The following ATP2B1 variants were observed in gnomAD, a reference collection of about 807,000 sequenced individuals.
ATP2B1 encodes ATPase plasma membrane Ca2+ transporting 1.
ATP2B1 carries 14 observed loss-of-function variants against 124.2 expected under a neutral mutation model. The ratio of observed to expected loss-of-function variants is 0.11; its 90% CI spans 0.07 to 0.18. The LOEUF (loss-of-function observed/expected upper bound fraction) is 0.18. Among genes scored for constraint, ATP2B1 ranks in the 10% least tolerant of loss-of-function variants. The pLI, the probability that ATP2B1 is intolerant of heterozygous loss-of-function variation, is 1.00. For synonymous variants in ATP2B1, 449 were observed against 492.4 expected, an observed-to-expected ratio of 0.91 and a Z score of 1.17; for missense variants, 763 against 1,466.1, an observed-to-expected ratio of 0.52 and a Z score of 7.83.
chr12:89,670,952 T>TA (rs35401970), intron 1 of ATP2B1, among the ~76,000 whole-genome samples: 112,363 of 126,908 alleles, frequency 0.89, 49,893 homozygotes, highest in East Asian at 0.96. Flanking sequence ...CCTTATACAT[T>TA]AAAAAAAAAA....
intron 1 of ATP2B1, among the ~76,000 whole-genome samples, chr12:89,659,167 C>T: frequency 1.3e-5 from 2 of 152,270 alleles, no homozygotes; most frequent in South Asian, 4.1e-4. Context: ...TATTTTGCTT[C>T]TCTTTGTTTT....
At chr12:89,677,262 G>C (rs1888729533) in intron 1 of ATP2B1, among the ~76,000 whole-genome samples, 1 of 152,088 alleles carries the variant, frequency 6.6e-6, no homozygotes, top group African/African-American at 2.4e-5. Context: ...CTCCTAGGCA[G>C]AGCCCAGCTG....
intron 3 of ATP2B1, among the ~76,000 whole-genome samples, chr12:89,640,581 G>T (rs1883352829): frequency 6.6e-6 from 1 of 152,104 alleles, no homozygotes; most frequent in Non-Finnish European, 1.5e-5. Context: ...GTGAGCCTAG[G>T]TACATCTTAT....
At chr12:89,675,042 T>C (rs1177224209) in intron 1 of ATP2B1, among the ~76,000 whole-genome samples, 4 of 152,150 alleles carry the variant, frequency 2.6e-5, no homozygotes, top group African/African-American at 7.2e-5. Flanking sequence ...TTTCAGAAAC[T>C]CGAGATATTA....
chr12:89,690,378 T>G (rs1171094411), intron 1 of ATP2B1, among the ~76,000 whole-genome samples: 1 of 151,842 alleles, frequency 6.6e-6, no homozygotes, highest in Non-Finnish European at 1.5e-5. Context: ...TATAAAAGTC[T>G]TATTAATAAA....
At chr12:89,678,506 G>A (rs1037859621) in intron 1 of ATP2B1, among the ~76,000 whole-genome samples, 1 of 152,106 alleles carries the variant, frequency 6.6e-6, no homozygotes, top group Non-Finnish European at 1.5e-5. Context: ...TACTACTGCT[G>A]CTGGGGAAAA....
intron 1 of ATP2B1, among the ~76,000 whole-genome samples, chr12:89,676,406 A>G: frequency 6.6e-6 from 1 of 152,124 alleles, no homozygotes; most frequent in African/African-American, 2.4e-5. Context: ...TCTTAAAGTC[A>G]TAATTGTCTA....
chr12:89,608,935 G>GA (rs1877480288), intron 15 of ATP2B1, among the ~76,000 whole-genome samples: 1 of 152,142 alleles, frequency 6.6e-6, no homozygotes, highest in Non-Finnish European at 1.5e-5. Context: ...TAGGGCGGGG[G>GA]ATCTTTGGAT....
intron 1 of ATP2B1, among the ~76,000 whole-genome samples, chr12:89,685,809 A>T (rs1314945327): frequency 2.6e-5 from 4 of 152,134 alleles, no homozygotes; most frequent in Non-Finnish European, 5.9e-5. Context: ...GCATTAAAAC[A>T]GGTCTTATGG....
intron 20 of ATP2B1, among the ~76,000 whole-genome samples, chr12:89,598,354 C>G (rs1486209946): frequency 6.6e-6 from 1 of 152,302 alleles, no homozygotes; most frequent in East Asian, 1.9e-4. Flanking sequence ...AGAGTTAGCA[C>G]AGAGACAAGC....
chr12:89,688,389 T>C (rs17836871), intron 1 of ATP2B1, among the ~76,000 whole-genome samples: 6,513 of 152,222 alleles, frequency 0.043, 354 homozygotes, highest in East Asian at 0.25. Flanking sequence ...TATTATAAAC[T>C]GCTGAATAGG....
chr12:89,600,499 T>C (rs1230507391), intron 19 of ATP2B1, among the ~76,000 whole-genome samples: 1 of 152,208 alleles, frequency 6.6e-6, no homozygotes, highest in Non-Finnish European at 1.5e-5. Context: ...TTATTTCATA[T>C]ATACACTGTT....
chr12:89,686,214 G>T (rs1889955523), intron 1 of ATP2B1, among the ~76,000 whole-genome samples: 1 of 151,972 alleles, frequency 6.6e-6, no homozygotes, highest in South Asian at 2.1e-4. Flanking sequence ...TTAGATGATG[G>T]ATTATTTTAT....
chr12:89,707,511 G>A (rs778401766), intron 1 of ATP2B1, among the ~76,000 whole-genome samples: 4 of 152,160 alleles, frequency 2.6e-5, no homozygotes, highest in Non-Finnish European at 5.9e-5. Context: ...ACCAACAGAA[G>A]CCATTAGATT....
At chr12:89,700,547 T>TA (rs910937589) in intron 1 of ATP2B1, among the ~76,000 whole-genome samples, 1 of 152,200 alleles carries the variant, frequency 6.6e-6, no homozygotes, top group Non-Finnish European at 1.5e-5. Context: ...TTAGAGGTAC[T>TA]AAAAAAATCT....
At chr12:89,694,075 T>C (rs1158976264) in intron 1 of ATP2B1, among the ~76,000 whole-genome samples, 3 of 152,202 alleles carry the variant, frequency 2.0e-5, no homozygotes, top group Non-Finnish European at 2.9e-5. Context: ...TAGAGGAATG[T>C]CATGGTACAA....
At chr12:89,708,282 C>CGT (rs1382662337) in intron 1 of ATP2B1, among the ~76,000 whole-genome samples, 4 of 152,112 alleles carry the variant, frequency 2.6e-5, no homozygotes, top group African/African-American at 9.7e-5. Context: ...TTCGTGAAGC[C>CGT]GAAGACCTGC....
At chr12:89,685,926 G>A (rs1889916001) in intron 1 of ATP2B1, among the ~76,000 whole-genome samples, 1 of 151,998 alleles carries the variant, frequency 6.6e-6, no homozygotes, top group Non-Finnish European at 1.5e-5. Context: ...AAGGAGAGAG[G>A]CCTCAGGAGA....
intron 20 of ATP2B1, among the ~76,000 whole-genome samples, chr12:89,598,039 C>CAAAAAAAAAAAAAAAAAAAAAAAAAA (rs10661138): frequency 1.7e-5 from 1 of 60,526 alleles, no homozygotes. Flanking sequence ...CACAACCAAG[C>CAAAAAAAAAAAAAAAAAAAAAAAAAA]AAAAAAAAAA....
Sources: allele counts gnomAD v4.1 joint callset (sites outside exome capture counted in the v4.1 genomes callset), GRCh38; gene constraint gnomAD v4.1.1; transcripts MANE v1.5; gene names NCBI Gene and HGNC (gene_info 2026-07-23, HGNC 2026-07-21).